RAD54L2: variants seen among roughly 807,000 people sequenced by gnomAD.
RAD54L2 encodes helicase ARIP4.
In RAD54L2, 27 loss-of-function variants were observed where a neutral mutation model predicts 138.4. That is an observed-to-expected ratio of 0.20 (90% CI 0.14 to 0.27). The LOEUF is 0.27. Ranked by LOEUF, RAD54L2 falls within the 10% of genes least tolerant of loss-of-function variation. The pLI is 1.00. For synonymous variants in RAD54L2, 644 were observed against 723.2 expected (o/e 0.89, Z 1.76); for missense variants, 1,396 against 1,890.2 (o/e 0.74, Z 4.85).
chr3:51,545,725 A>T (rs902953873), intron 2 of RAD54L2, among the ~76,000 whole-genome samples: 1 of 151,828 alleles, frequency 6.6e-6, no homozygotes, highest in East Asian at 1.9e-4. Flanking sequence ...GAGTACAGGC[A>T]TGCATGACCT....
At chr3:51,632,052 C>G (rs912853564) in intron 7 of RAD54L2, among the ~76,000 whole-genome samples, 1 of 152,144 alleles carries the variant, frequency 6.6e-6, no homozygotes, top group Non-Finnish European at 1.5e-5. Flanking sequence ...TTTTTTAGTT[C>G]TCCCACATGA....
intron 3 of RAD54L2, among the ~76,000 whole-genome samples, chr3:51,601,177 A>AT (rs1036748268): frequency 1.6e-4 from 24 of 149,942 alleles, no homozygotes; most frequent in Admixed American, 2.7e-4. Flanking sequence ...TGCCTGGCTA[A>AT]TTTTTTTTTT....
intron 3 of RAD54L2, among the ~76,000 whole-genome samples, chr3:51,599,444 A>G (rs1214172381): frequency 6.6e-6 from 1 of 152,172 alleles, no homozygotes; most frequent in Non-Finnish European, 1.5e-5. Context: ...TTCAGGGGTG[A>G]CACATGATCA....
intron 2 of RAD54L2, among the ~76,000 whole-genome samples, chr3:51,556,700 C>A (rs1577386040): frequency 6.6e-6 from 1 of 152,300 alleles, no homozygotes; most frequent in South Asian, 2.1e-4. Flanking sequence ...CCTCAGCCTC[C>A]AGAGTAGCTG....
intron 1 of RAD54L2, 83 bp from the exon 2 acceptor site, chr3:51,541,506 G>A (rs1226783154): frequency 1.3e-5 from 2 of 152,138 alleles, no homozygotes; most frequent in Admixed American, 6.6e-5. Flanking sequence ...AGATTCCCCA[G>A]GAAGCCATCA....
chr3:51,658,174 C>T (rs917426504), intron 21 of RAD54L2, among the ~76,000 whole-genome samples: 5 of 151,844 alleles, frequency 3.3e-5, no homozygotes, highest in Admixed American at 2.0e-4. Context: ...CCTCATGATC[C>T]GCCCACCTGG....
At chr3:51,620,940 T>C (rs1449842419) in intron 3 of RAD54L2, among the ~76,000 whole-genome samples, 1 of 152,138 alleles carries the variant, frequency 6.6e-6, no homozygotes, top group Non-Finnish European at 1.5e-5. Flanking sequence ...GTCTAGAATC[T>C]GGGGAAGGGC....
rs368720352 is a variant in RAD54L2 at position 51,627,774 on chromosome 3, A to G, written c.341+20A>G. On this transcript the variant is annotated intron_variant, in intron 4 of 22. Coordinates refer to ENST00000684192, the MANE Select transcript of RAD54L2 (RefSeq NM_015106.4). Reference sequence around the variant, plus strand: ...CATACGGTGAGCTGTGCTCTGTGTAAGAGGAGAGGGAAAGGAATAGAGATT... The same window carrying G: ...CATACGGTGAGCTGTGCTCTGTGTAGGAGGAGAGGGAAAGGAATAGAGATT... The G allele has an allele frequency of 1.8e-5, 29 of 1,612,002 alleles. No homozygotes were observed. The highest frequency in any genetic ancestry group is 8.0e-5 in the African/African-American group (6 of 74,838).
intron 2 of RAD54L2, among the ~76,000 whole-genome samples, chr3:51,549,399 G>A (rs1553673072): frequency 6.6e-6 from 1 of 152,166 alleles, no homozygotes; most frequent in East Asian, 1.9e-4. Flanking sequence ...GAGCCAGGTG[G>A]ACATAGTTCG....
chr3:51,626,064 C>G (rs1054821584), intron 3 of RAD54L2, among the ~76,000 whole-genome samples: 39 of 151,836 alleles, frequency 2.6e-4, no homozygotes, highest in Non-Finnish European at 5.2e-4. Flanking sequence ...AATAAGCCAC[C>G]AGCCCTCCAA....
chr3:51,588,186 A>C (rs1340514328), intron 2 of RAD54L2, among the ~76,000 whole-genome samples: 2 of 125,590 alleles, frequency 1.6e-5, no homozygotes, highest in African/African-American at 6.4e-5. Flanking sequence ...ACTCCATCTC[A>C]AAAAAAAAAA....
chr3:51,597,827 A>G (rs1169117768), intron 3 of RAD54L2, among the ~76,000 whole-genome samples: 1 of 151,532 alleles, frequency 6.6e-6, no homozygotes, highest in African/African-American at 2.4e-5. Context: ...AGTGGTGCTC[A>G]CCTGTAATCC....
chr3:51,626,501 A>G (rs565396885), intron 3 of RAD54L2, among the ~76,000 whole-genome samples: 36 of 122,594 alleles, frequency 2.9e-4, no homozygotes, highest in Admixed American at 2.7e-3. Context: ...CTGGAGTGCA[A>G]TGGTGTGATC....
rs1257917069 is a variant in RAD54L2 at position 51,662,413 on chromosome 3, A to C, written c.3410-13A>C. Reference sequence around the variant, plus strand: ...GCCACTCTGATTCTCAGTTAACTACATTTTGTCCCCAGGTTCCCAGGGACC... The same window carrying C: ...GCCACTCTGATTCTCAGTTAACTACCTTTTGTCCCCAGGTTCCCAGGGACC... On this transcript the variant is annotated splice_polypyrimidine_tract_variant and intron_variant, in intron 22 of 22. Transcript: ENST00000684192. This position sits in a 1 kb window ranked among gnomAD's most constrained non-coding sequence, Gnocchi z 4.6. 1 of 1,503,608 alleles carries C rather than the reference A, an allele frequency of 6.7e-7. No individual in the cohort carries two copies. Among genetic ancestry groups the C allele is most frequent in the East Asian group, 2.3e-5 (1 of 42,702 alleles). The allele number at this position is 1,503,608 out of a possible 1,614,324, so 93.1% of individuals were successfully genotyped here. A position where few individuals can be genotyped will look rare whatever the true frequency, so the allele number is the denominator to read the frequency against.
intron 2 of RAD54L2, among the ~76,000 whole-genome samples, chr3:51,544,329 G>A (rs1280596172): frequency 1.3e-5 from 2 of 152,158 alleles, no homozygotes; most frequent in African/African-American, 4.8e-5. Flanking sequence ...TTTCCAGGTT[G>A]CTAAAGGCAA....
chr3:51,541,040 C>CAAAAAAAAAAAAAAAAAAAA (rs3051038), intron 1 of RAD54L2: 1 of 83,762 alleles, frequency 1.2e-5, no homozygotes, highest in Non-Finnish European at 2.5e-5. Context: ...GACTCTGACT[C>CAAAAAAAAAAAAAAAAAAAA]AAAAAAAAAA....
At chr3:51,631,980 C>T (rs951705494) in intron 7 of RAD54L2, among the ~76,000 whole-genome samples, 4 of 152,018 alleles carry the variant, frequency 2.6e-5, no homozygotes, top group Non-Finnish European at 5.9e-5. Flanking sequence ...TCTTCCTCCC[C>T]CTCCTCTCCC....
At chr3:51,596,707 T>C (rs1296428041) in intron 3 of RAD54L2, among the ~76,000 whole-genome samples, 1 of 152,230 alleles carries the variant, frequency 6.6e-6, no homozygotes, top group Non-Finnish European at 1.5e-5. Context: ...CCCAGTTCTT[T>C]TCCTCCAGTG....
At chr3:51,548,573 G>A (rs1239663975) in intron 2 of RAD54L2, among the ~76,000 whole-genome samples, 11 of 152,252 alleles carry the variant, frequency 7.2e-5, no homozygotes, top group South Asian at 6.2e-4. Context: ...AAGCAAACCC[G>A]AAAAGGTGAA....
Sources: allele counts gnomAD v4.1 joint callset (sites outside exome capture counted in the v4.1 genomes callset), GRCh38; gene constraint gnomAD v4.1.1; non-coding constraint Gnocchi (gnomAD v3.1); transcripts MANE v1.5; gene names NCBI Gene and HGNC (gene_info 2026-07-23, HGNC 2026-07-21).